OTOG: variants seen among roughly 807,000 people sequenced by gnomAD.
OTOG encodes otogelin.
Under a neutral mutation model 313.8 loss-of-function variants are expected in OTOG, and 296 were observed. The observed-to-expected ratio is 0.94, with a 90% CI of 0.86 to 1.04. The LOEUF is 1.04. Among genes scored for constraint, OTOG ranks in the 50% least tolerant of loss-of-function variants. The probability of loss-of-function intolerance (pLI) is 0.00; values close to 1 mark genes in which losing one functional copy is unlikely to be tolerated. For missense variants in OTOG, 3,948 were observed against 3,840.1 expected, an observed-to-expected ratio of 1.03 and a Z score of -0.74; for synonymous variants, 1,533 against 1,554.9, an observed-to-expected ratio of 0.99 and a Z score of 0.33.
intron 39 of OTOG, among the ~76,000 whole-genome samples, chr11:17,619,698 G>C (rs1333023318): frequency 6.6e-6 from 1 of 152,056 alleles, no homozygotes; most frequent in East Asian, 1.9e-4. Flanking sequence ...CCAAGCCTTT[G>C]TGTTATTGTC....
At chr11:17,548,616 G>C (rs952948433) in intron 3 of OTOG, among the ~76,000 whole-genome samples, 1 of 151,910 alleles carries the variant, frequency 6.6e-6, no homozygotes, top group African/African-American at 2.4e-5. Flanking sequence ...CATACCCTGA[G>C]CGGAGCCTCA....
chr11:17,547,919 C>T lies in OTOG; in HGVS notation c.95-8C>T, dbSNP rs879630115. On this transcript the variant is annotated splice_region_variant and splice_polypyrimidine_tract_variant and intron_variant, in intron 1 of 55. Coordinates refer to ENST00000399397, the MANE Select transcript of OTOG (RefSeq NM_001292063.2). Reference sequence around the variant, plus strand: ...ACAATTTGAGTGGAGAATAATCCCCCTCCCCAGCCGCAGCACCCGTTCTGT... The same window carrying T: ...ACAATTTGAGTGGAGAATAATCCCCTTCCCCAGCCGCAGCACCCGTTCTGT... The T allele has an allele frequency of 2.2e-5, 10 of 457,010 alleles. No homozygotes were observed. The highest frequency in any genetic ancestry group is 7.4e-5 in the Admixed American group (2 of 26,946). 28.3% of individuals were successfully genotyped at this position (457,010 alleles called of 1,614,324 possible). A position where few individuals can be genotyped will look rare whatever the true frequency, so the allele number is the denominator to read the frequency against.
At chr11:17,560,118 A>T (rs1852150463) in intron 12 of OTOG, among the ~76,000 whole-genome samples, 1 of 152,244 alleles carries the variant, frequency 6.6e-6, no homozygotes, top group South Asian at 2.1e-4. Context: ...ATGTATACAC[A>T]TACATTTGTT....
Position 17,641,967 on chromosome 11 carries a change from G to C in OTOG, c.8295+16G>C, listed in dbSNP as rs1283865871. ...CCTGTTCTTGGTAAGCAGCCCCCTC[G>C]CTGCCCACTTAGGAGGGTGTCCCAG... On this transcript the variant is annotated intron_variant, in intron 52 of 55. Coordinates refer to ENST00000399397, the MANE Select transcript of OTOG (RefSeq NM_001292063.2). 1 of 1,547,954 alleles carries C rather than the reference G, an allele frequency of 6.5e-7. No individual in the cohort carries two copies. Among genetic ancestry groups the C allele is most frequent in the Non-Finnish European group, 8.7e-7 (1 of 1,145,402 alleles).
At chr11:17,602,516 T>TG in intron 32 of OTOG, 139 bp downstream of exon 32, 1 of 1,025,724 alleles carries the variant, frequency 9.7e-7, no homozygotes, top group Non-Finnish European at 1.4e-6. Flanking sequence ...CCAGTTGAGA[T>TG]GGTGCTTCTG....
chr11:17,613,511 G>T (rs1330860580), intron 38 of OTOG, 101 bp from the exon 39 acceptor site: 3 of 955,684 alleles, frequency 3.1e-6, no homozygotes, highest in Non-Finnish European at 4.9e-6. Context: ...TAGTGCAGGG[G>T]GTAGTCAGGG....
Position 17,559,821 on chromosome 11 carries a change from A to AG in OTOG, c.1342+159_1342+160insG, listed in dbSNP as rs1852140285. Among the ~76,000 whole-genome samples, 3 of 149,860 alleles carry AG rather than the reference A, an allele frequency of 2.0e-5. No individual in the cohort carries two copies. In the South Asian group the frequency reaches 6.5e-4, roughly 32 times the overall value. ...AAAAAAAGAAGGAAAGAAGGAAGGG[A>AG]AGAAGGAAGGAGGAAGGAAAAAAGG... On this transcript the variant is annotated intron_variant, in intron 12 of 55. Transcript: ENST00000399397.
chr11:17,573,927 A>G (rs184224245), intron 19 of OTOG, among the ~76,000 whole-genome samples: 4 of 152,322 alleles, frequency 2.6e-5, no homozygotes, highest in Admixed American at 6.5e-5. Flanking sequence ...AGTTTCCCCA[A>G]AAGGGATTGG....
rs138408806 is a variant in OTOG at position 17,610,116 on chromosome 11, C to T, written c.4816C>T (p.Arg1606Trp). The T allele has an allele frequency of 5.8e-6, 9 of 1,550,478 alleles. No individual in the cohort carries two copies. Among genetic ancestry groups the T allele is most frequent in the East Asian group, 2.4e-5 (1 of 40,922 alleles). ...AAGCCCTAACATCACAGTCTCCTCC[C>T]GGTCGCCCCCTGCCCCTCGCTTCCC... ...AGSPNITVSS[R>W]SPPAPRFPLM... The change falls in exon 36 of 56, where the codon CGG (arginine) becomes TGG (tryptophan). Residue 1606 changes from arginine (R) to tryptophan (W), a missense_variant. Coordinates refer to ENST00000399397, the MANE Select transcript of OTOG (RefSeq NM_001292063.2).
chr11:17,558,291 A>G lies in OTOG; in HGVS notation c.972A>G (p.Leu324=), dbSNP rs1852099171. 1.3e-6 allele frequency: 2 copies of G among 1,550,822 alleles called. No homozygotes were observed. Among genetic ancestry groups the G allele is most frequent in the Non-Finnish European group, 8.7e-7 (1 of 1,147,044 alleles). Residue 324 remains leucine, a synonymous_variant, in exon 9 of 56, where the codon CTA becomes CTG. Coordinates refer to ENST00000399397, the MANE Select transcript of OTOG (RefSeq NM_001292063.2). Reference sequence around the variant, plus strand: ...CCTCCCTGCCTCGCCCACCGTGCCTACAGCAGAACCCAGGAACCATGCAGG... The same window carrying G: ...CCTCCCTGCCTCGCCCACCGTGCCTGCAGCAGAACCCAGGAACCATGCAGG... ...TTSSLPRPPC[L]QQNPGTMQGV...
intron 24 of OTOG, among the ~76,000 whole-genome samples, chr11:17,588,333 C>G (rs898376676): frequency 6.6e-6 from 1 of 152,186 alleles, no homozygotes; most frequent in Non-Finnish European, 1.5e-5. Flanking sequence ...ATGTGTTGCG[C>G]TGGTGTGACT....
chr11:17,601,875 G>T (rs1393991484), intron 31 of OTOG, among the ~76,000 whole-genome samples: 1 of 152,210 alleles, frequency 6.6e-6, no homozygotes, highest in Non-Finnish European at 1.5e-5. Context: ...TAGAGCAGTG[G>T]CTGTAATGGT....
chr11:17,581,731 T>C (rs1852671501), intron 23 of OTOG, among the ~76,000 whole-genome samples: 1 of 152,232 alleles, frequency 6.6e-6, no homozygotes, highest in African/African-American at 2.4e-5. Flanking sequence ...ATATAGAACA[T>C]TTCTGTCACT....
chr11:17,610,771 C>T lies in OTOG; in HGVS notation c.5471C>T (p.Pro1824Leu). 6.5e-7 allele frequency: 1 copy of T among 1,550,172 alleles called. No homozygotes were observed. The highest frequency in any genetic ancestry group is 8.7e-7 in the Non-Finnish European group (1 of 1,146,990). Residue 1824 changes from proline to leucine, a missense_variant, in exon 36 of 56, where the codon CCC (proline) becomes CTC (leucine). Coordinates refer to ENST00000399397, the MANE Select transcript of OTOG (RefSeq NM_001292063.2). ...GTSAPVATPG[P>L]KASVITTPLQ... ...TCTGCCCCAGTGGCCACACCCGGCC[C>T]CAAAGCCTCTGTCATCACCACTCCA... is the stretch of plus-strand genomic sequence containing the variant.
At chr11:17,632,889 G>A (rs566183351) in intron 42 of OTOG, among the ~76,000 whole-genome samples, 10 of 152,296 alleles carry the variant, frequency 6.6e-5, no homozygotes, top group African/African-American at 1.4e-4. Flanking sequence ...CTCTTGGGTC[G>A]TGTTCTTCAA....
chr11:17,618,437 A>C (rs374399073), intron 39 of OTOG, among the ~76,000 whole-genome samples: 12 of 152,168 alleles, frequency 7.9e-5, no homozygotes, highest in African/African-American at 2.9e-4. Flanking sequence ...CATTGTGTTC[A>C]TAAGACATAA....
At chr11:17,620,146 G>A (rs946028691) in intron 39 of OTOG, among the ~76,000 whole-genome samples, 2 of 152,086 alleles carry the variant, frequency 1.3e-5, no homozygotes, top group Non-Finnish European at 2.9e-5. Context: ...ATGGCATTTA[G>A]TACATTCACA....
chr11:17,551,994 C>T lies in OTOG; in HGVS notation c.217-6C>T. The stretch of plus-strand genomic sequence containing the variant: ...CGATGTGTTCTCTTCCTCCTGTCTT[C>T]ACAAGCAGGCTGAAGCCCCAGACTC... On this transcript the variant is annotated splice_region_variant and splice_polypyrimidine_tract_variant and intron_variant, in intron 3 of 55. Transcript: ENST00000399397. 6.4e-7 allele frequency: 1 copy of T among 1,550,426 alleles called. No homozygotes were observed. The highest frequency in any genetic ancestry group is 1.2e-5 in the South Asian group (1 of 84,062).
chr11:17,631,868 C>T lies in OTOG; in HGVS notation c.6879C>T (p.Cys2293=), dbSNP rs1854135749. The T allele has an allele frequency of 6.4e-7, 1 of 1,550,578 alleles. No homozygotes were observed. The change falls in exon 41 of 56, where the codon TGC becomes TGT. Residue 2293 remains cysteine (C), a synonymous_variant. Transcript: ENST00000399397. ...CAGACAGCTGCGCCACAACTGACTG[C>T]TCGCCCTGCCTTCGCATGGTGTCCA... ...FRPDSCATTD[C]SPCLRMVSNR...
Sources: gnomAD v4.1 joint callset for allele counts (sites outside exome capture counted in the v4.1 genomes callset) on GRCh38, gnomAD v4.1.1 for gene constraint, MANE v1.5 for transcripts, NCBI Gene and HGNC (gene_info 2026-07-23, HGNC 2026-07-21) for gene names.